HTR2C: variants seen among roughly 807,000 people sequenced by gnomAD.
HTR2C encodes 5-hydroxytryptamine (serotonin) receptor 2C, G protein-coupled.
A neutral mutation model predicts 21.0 loss-of-function variants in HTR2C; 5 were observed. That is an observed-to-expected ratio of 0.24 (90% CI 0.12 to 0.50). The LOEUF is 0.50. Among genes scored for constraint, HTR2C ranks in the 20% least tolerant of loss-of-function variants. The pLI, the probability that HTR2C is intolerant of heterozygous loss-of-function variation, is 0.98. For synonymous variants in HTR2C, 150 were observed against 145.3 expected, an observed-to-expected ratio of 1.03 and a Z score of -0.23; for missense variants, 271 against 371.2, an observed-to-expected ratio of 0.73 and a Z score of 2.22.
chrX:114,903,497 A>T (rs782750519), intron 5 of HTR2C, among the ~76,000 whole-genome samples: 10 of 112,610 alleles, frequency 8.9e-5, no homozygotes, highest in Admixed American at 8.5e-4. Context: ...TGCACAAAAA[A>T]TAATACAAAT....
chrX:114,833,897 T>G lies in HTR2C; in HGVS notation c.350-14106T>G, dbSNP rs782463717. ...ATGCATCCCAGAGATTCTGGTATGT[T>G]GTGTCTTTGTTCTCGTTGGTTTCAA... On this transcript the variant is annotated intron_variant, in intron 4 of 5. Coordinates refer to ENST00000276198, the MANE Select transcript of HTR2C (RefSeq NM_000868.4). Among the ~76,000 whole-genome samples the G allele has an allele frequency of 7.7e-3, 842 of 109,059 alleles. 17 individuals are homozygous for G. The highest frequency in any genetic ancestry group is 0.068 in the Admixed American group (686 of 10,069). 94.7% of individuals were successfully genotyped at this position (109,059 alleles called of 115,157 possible).
intron 4 of HTR2C, among the ~76,000 whole-genome samples, chrX:114,809,508 C>A (rs782404289): frequency 9.2e-6 from 1 of 108,952 alleles, no homozygotes; most frequent in Admixed American, 9.8e-5. Context: ...CTCAGCCTCC[C>A]GAGTAGCCGG....
intron 1 of HTR2C, among the ~76,000 whole-genome samples, chrX:114,602,258 T>C (rs1219600632): frequency 3.6e-5 from 1 of 27,430 alleles, no homozygotes; most frequent in East Asian, 0.01. Context: ...GAACGGTGAA[T>C]AGGAGTATGA....
chrX:114,858,374 G>A (rs1389333161), intron 5 of HTR2C, among the ~76,000 whole-genome samples: 1 of 110,751 alleles, frequency 9.0e-6, no homozygotes, highest in African/African-American at 3.3e-5. Context: ...ATTTATTTAG[G>A]CCTTCTTTAA....
chrX:114,836,411 C>T (rs1019841228), intron 4 of HTR2C, among the ~76,000 whole-genome samples: 22 of 112,585 alleles, frequency 2.0e-4, no homozygotes, highest in South Asian at 3.7e-4. Flanking sequence ...TCTGGTGGTG[C>T]GCCGTTTTTT....
At chrX:114,645,396 A>T (rs1930325570) in intron 2 of HTR2C, among the ~76,000 whole-genome samples, 2 of 110,828 alleles carry the variant, frequency 1.8e-5, no homozygotes, top group South Asian at 7.6e-4. Flanking sequence ...GACATGCCTG[A>T]AACACAGACA....
intron 2 of HTR2C, among the ~76,000 whole-genome samples, chrX:114,710,870 A>C (rs1401597574): frequency 9.0e-6 from 1 of 111,277 alleles, no homozygotes; most frequent in Non-Finnish European, 1.9e-5. Flanking sequence ...ATCAGGCCAA[A>C]AGGTGTGTGG....
At chrX:114,804,216 A>G (rs1453158388) in intron 4 of HTR2C, among the ~76,000 whole-genome samples, 1 of 111,895 alleles carries the variant, frequency 8.9e-6, no homozygotes, top group Non-Finnish European at 1.9e-5. Flanking sequence ...TCTGTCTCAA[A>G]CTTAGGTTTT....
At position 114,875,404 on chromosome X, in the gene HTR2C, T is replaced by A. The variant is rs782756244; in HGVS notation, c.550+27201T>A. 8.9e-5 allele frequency among the ~76,000 whole-genome samples: 10 copies of A among 112,032 alleles called. No individual in the cohort carries two copies. In the East Asian group the frequency reaches 2.8e-3, roughly 32 times the overall value. ...GTTTTCTTTACTGCACAGAAACTTC[T>A]GTTTGATATCATCCCAGTTGTTTAT... On this transcript the variant is annotated intron_variant, in intron 5 of 5. Transcript: ENST00000276198.
intron 4 of HTR2C, among the ~76,000 whole-genome samples, chrX:114,794,024 G>C (rs929295133): frequency 2.7e-5 from 3 of 111,239 alleles, no homozygotes; most frequent in Non-Finnish European, 5.7e-5. Flanking sequence ...GCCTGTACAA[G>C]ATCACTTGAT....
At chrX:114,746,767 C>T (rs1439460273) in intron 4 of HTR2C, among the ~76,000 whole-genome samples, 3 of 110,146 alleles carry the variant, frequency 2.7e-5, no homozygotes, top group African/African-American at 9.9e-5. Context: ...AGGTGGATCA[C>T]GAGGTGAGGA....
In HTR2C at chrX:114,606,459, G is replaced by C. The variant is rs187092825; in HGVS notation, c.-146-7356G>C. ...TGCAACGATTAAACACCAAGGGAAG[G>C]CTGCCTTCCCAGTCCGTGACCGGCG... is the stretch of plus-strand genomic sequence containing the variant. On this transcript the variant is annotated intron_variant, in intron 1 of 5. Coordinates refer to ENST00000276198, the MANE Select transcript of HTR2C (RefSeq NM_000868.4). Among the ~76,000 whole-genome samples, 177 of 111,783 alleles carry C rather than the reference G, an allele frequency of 1.6e-3. 1 individual carries two copies. In the East Asian group the frequency reaches 0.043, roughly 27 times the overall value.
At chrX:114,704,813 G>T (rs1328003176) in intron 2 of HTR2C, among the ~76,000 whole-genome samples, 1 of 108,515 alleles carries the variant, frequency 9.2e-6, no homozygotes, top group Non-Finnish European at 1.9e-5. Flanking sequence ...AAACCCCATT[G>T]TCTCAGCCCC....
intron 4 of HTR2C, among the ~76,000 whole-genome samples, chrX:114,806,215 CTATATACCATATATATACCATA>C (rs201977548): frequency 8.3e-5 from 8 of 96,922 alleles, no homozygotes; most frequent in African/African-American, 3.0e-4. Context: ...TATATACACT[CTATATACCATATATATACCATA>C]TATATACCAT....
chrX:114,659,679 C>G (rs1930914958), intron 2 of HTR2C, among the ~76,000 whole-genome samples: 1 of 110,064 alleles, frequency 9.1e-6, no homozygotes, highest in South Asian at 3.9e-4. Context: ...GAAACAACAA[C>G]TAAATACAAT....
intron 5 of HTR2C, among the ~76,000 whole-genome samples, chrX:114,895,174 A>G (rs2071287096): frequency 8.9e-6 from 1 of 112,142 alleles, no homozygotes; most frequent in Admixed American, 9.5e-5. Context: ...TATTTTTTAA[A>G]GTCTAGTAAT....
chrX:114,764,998 G>A (rs782146046), intron 4 of HTR2C, among the ~76,000 whole-genome samples: 6 of 85,128 alleles, frequency 7.0e-5, no homozygotes, highest in Non-Finnish European at 9.1e-5. Context: ...CATCCCTTCC[G>A]TCCTTCTCTC....
chrX:114,777,113 TTGTG>T (rs1556438836), intron 4 of HTR2C, among the ~76,000 whole-genome samples: 1 of 112,045 alleles, frequency 8.9e-6, no homozygotes, highest in African/African-American at 3.2e-5. Flanking sequence ...TTAAGAAGTA[TTGTG>T]ATTAGGTACT....
At chrX:114,794,327 G>A (rs1202681489) in intron 4 of HTR2C, among the ~76,000 whole-genome samples, 1 of 110,380 alleles carries the variant, frequency 9.1e-6, no homozygotes, top group Non-Finnish European at 1.9e-5. Context: ...AATATTCTAA[G>A]GATGTGTTCT....
Sources: gnomAD v4.1 joint callset for allele counts (sites outside exome capture counted in the v4.1 genomes callset) on GRCh38, gnomAD v4.1.1 for gene constraint, MANE v1.5 for transcripts, NCBI Gene and HGNC (gene_info 2026-07-23, HGNC 2026-07-21) for gene names.